Variants in SLC39A11 observed in about 807,000 individuals in gnomAD.
SLC39A11 encodes solute carrier family 39 member 11, also known as zinc transporter ZIP11.
In SLC39A11, 33 loss-of-function variants were observed where a neutral mutation model predicts 36.1. That is an observed-to-expected ratio of 0.91 (90% CI 0.69 to 1.22). SLC39A11 has a LOEUF of 1.22. Ranked by LOEUF, SLC39A11 falls within the 50% of genes most tolerant of loss-of-function variation. The pLI is 0.00. For missense variants in SLC39A11, 432 were observed against 430.3 expected, an observed-to-expected ratio of 1.00 and a Z score of -0.03; for synonymous variants, 166 against 170.3, an observed-to-expected ratio of 0.97 and a Z score of 0.20.
chr17:72,959,325 GTATATATATATATATA>G lies in SLC39A11; in HGVS notation c.307-11466_307-11451del, dbSNP rs1186282631. Among the ~76,000 whole-genome samples the G allele has an allele frequency of 1.1e-3, 72 of 65,548 alleles. 1 individual carries two copies. The highest frequency in any genetic ancestry group is 4.6e-3 in the African/African-American group (67 of 14,540). 43.0% of individuals were successfully genotyped at this position (65,548 alleles called of 152,430 possible). A position where few individuals can be genotyped will look rare whatever the true frequency, so the allele number is the denominator to read the frequency against. On this transcript the variant is annotated intron_variant, in intron 4 of 9. Transcript: ENST00000255559. Reference sequence around the variant, plus strand: ...CTGGTGTATGTATGTGTGTGTGTGTGTATATATATATATATATATATATATATATATATATATATAT... The same window carrying G: ...CTGGTGTATGTATGTGTGTGTGTGTGTATATATATATATATATATATATAT...
At chr17:73,018,385 C>T (rs2058237030) in intron 4 of SLC39A11, among the ~76,000 whole-genome samples, 1 of 152,012 alleles carries the variant, frequency 6.6e-6, no homozygotes, top group Admixed American at 6.6e-5. Flanking sequence ...CCTATCTCTA[C>T]TAAACTACAA....
chr17:72,766,863 T>C (rs9904747), intron 6 of SLC39A11, among the ~76,000 whole-genome samples: 3,236 of 152,188 alleles, frequency 0.021, 105 homozygotes, highest in African/African-American at 0.073. Flanking sequence ...AAACCACAAA[T>C]AACATCTCTG....
At chr17:72,959,323 GTGTATATATATATATATATATA>G (rs1303472499) in intron 4 of SLC39A11, among the ~76,000 whole-genome samples, 1,183 of 81,468 alleles carry the variant, frequency 0.015, 43 homozygotes, top group African/African-American at 0.049. Context: ...GTGTGTGTGT[GTGTATATATATATATATATATA>G]TATATATATA....
chr17:72,862,691 T>C (rs1202037220), intron 5 of SLC39A11, among the ~76,000 whole-genome samples: 1 of 152,022 alleles, frequency 6.6e-6, no homozygotes, highest in Admixed American at 6.5e-5. Flanking sequence ...GTTTGAGAAA[T>C]ACAGATTGTC....
At chr17:72,743,120 C>A (rs918258387) in intron 6 of SLC39A11, among the ~76,000 whole-genome samples, 2 of 152,204 alleles carry the variant, frequency 1.3e-5, no homozygotes, top group Non-Finnish European at 2.9e-5. Context: ...ATGCTCACAG[C>A]AGCTTTGGGA....
chr17:72,993,219 G>A (rs2089294662), intron 4 of SLC39A11, among the ~76,000 whole-genome samples: 1 of 152,052 alleles, frequency 6.6e-6, no homozygotes, highest in African/African-American at 2.4e-5. Context: ...ACAAGGGTAG[G>A]AAAAAATCTT....
At chr17:72,891,579 G>A (rs946310301) in intron 5 of SLC39A11, among the ~76,000 whole-genome samples, 4 of 152,060 alleles carry the variant, frequency 2.6e-5, no homozygotes, top group Admixed American at 2.0e-4. Context: ...TCAGGTCCCT[G>A]CTCAATGCCT....
At chr17:72,750,314 T>TA (rs1354406920) in intron 6 of SLC39A11, among the ~76,000 whole-genome samples, 3 of 151,904 alleles carry the variant, frequency 2.0e-5, no homozygotes, top group African/African-American at 7.3e-5. Context: ...TAGGGCCAGA[T>TA]ACCTCGGAAC....
At chr17:73,059,740 G>A (rs996786253) in intron 3 of SLC39A11, among the ~76,000 whole-genome samples, 2 of 151,626 alleles carry the variant, frequency 1.3e-5, no homozygotes, top group African/African-American at 2.4e-5. Flanking sequence ...GTGAAGCTAT[G>A]AGGTATGAAA....
chr17:73,088,263 C>T (rs2060801795), intron 2 of SLC39A11, among the ~76,000 whole-genome samples: 1 of 143,424 alleles, frequency 7.0e-6, no homozygotes, highest in African/African-American at 2.6e-5. Flanking sequence ...CACTGCACGC[C>T]AGGCTGGGCA....
At chr17:73,077,882 T>C (rs1379882691) in intron 3 of SLC39A11, among the ~76,000 whole-genome samples, 1 of 152,190 alleles carries the variant, frequency 6.6e-6, no homozygotes, top group Non-Finnish European at 1.5e-5. Flanking sequence ...GTTGGTTTGT[T>C]TCCTTTCTTG....
At chr17:72,939,740 C>T (rs1274264120) in intron 5 of SLC39A11, among the ~76,000 whole-genome samples, 1 of 152,172 alleles carries the variant, frequency 6.6e-6, no homozygotes, top group African/African-American at 2.4e-5. Flanking sequence ...GAGTGTGGCC[C>T]TGCTGACACC....
intron 5 of SLC39A11, among the ~76,000 whole-genome samples, chr17:72,904,253 C>T (rs1195554138): frequency 1.3e-5 from 2 of 152,020 alleles, no homozygotes; most frequent in Non-Finnish European, 2.9e-5. Context: ...GCAGCCTGGA[C>T]AACACAGTGA....
At chr17:72,729,418 TATATATATATATATATATATATA>T (rs1567994223) in intron 7 of SLC39A11, among the ~76,000 whole-genome samples, 33 of 3,054 alleles carry the variant, frequency 0.011, 1 homozygote, top group Non-Finnish European at 0.02. Context: ...TATATATATA[TATATATATATATATATATATATA>T]TATATATATA....
intron 6 of SLC39A11, among the ~76,000 whole-genome samples, chr17:72,845,429 A>C (rs958374998): frequency 6.6e-6 from 1 of 152,142 alleles, no homozygotes; most frequent in Non-Finnish European, 1.5e-5. Context: ...CCTCTGCCTA[A>C]AACACTCACT....
In SLC39A11 at chr17:72,900,038, GAGAGAGAGAAAGAGAA is replaced by G. The variant is rs1319876896; in HGVS notation, c.430+47698_430+47713del. ...AGAGAGAAAGAGAGAGAGAGAGAAA[GAGAGAGAGAAAGAGAA>G]AGAAAGAAAGAGAGAGAGAGAAAGA... On this transcript the variant is annotated intron_variant, in intron 5 of 9. Transcript: ENST00000255559. Among the ~76,000 whole-genome samples, 94 of 136,792 alleles carry G rather than the reference GAGAGAGAGAAAGAGAA, an allele frequency of 6.9e-4. 3 individuals carry two copies. Among genetic ancestry groups the G allele is most frequent in the Non-Finnish European group, 1.1e-3 (73 of 63,482 alleles). The allele number at this position is 136,792 out of a possible 152,430, so 89.7% of individuals were successfully genotyped here.
intron 6 of SLC39A11, chr17:72,838,180 T>G: frequency 2.5e-6 from 1 of 399,012 alleles, no homozygotes; most frequent in Non-Finnish European, 4.4e-6. Flanking sequence ...TGCACAACCT[T>G]TCAGATATAC....
chr17:72,676,118 C>A (rs943646457), intron 7 of SLC39A11, among the ~76,000 whole-genome samples: 1 of 150,026 alleles, frequency 6.7e-6, no homozygotes. Context: ...TGTATTAAAG[C>A]AACTCTCTTT....
chr17:72,668,202 T>TA lies in SLC39A11; in HGVS notation c.672-18935dup, dbSNP rs1055691967. Among the ~76,000 whole-genome samples, 558 of 133,362 alleles carry TA rather than the reference T, an allele frequency of 4.2e-3. 2 individuals carry two copies. The highest frequency in any genetic ancestry group is 7.0e-3 in the South Asian group (27 of 3,830). The allele number at this position is 133,362 out of a possible 152,430, so 87.5% of individuals were successfully genotyped here. A position where few individuals can be genotyped will look rare whatever the true frequency, so the allele number is the denominator to read the frequency against. On this transcript the variant is annotated intron_variant, in intron 7 of 9. Transcript: ENST00000255559. ...ATATTAATGCTGTTTAAGAATCTTT[T>TA]AAAAAAAAAAAAGAAGTTTCCAGTA...
Sources: allele counts gnomAD v4.1 joint callset (sites outside exome capture counted in the v4.1 genomes callset), GRCh38; gene constraint gnomAD v4.1.1; transcripts MANE v1.5; gene names NCBI Gene and HGNC (gene_info 2026-07-23, HGNC 2026-07-21).